STPG2: variants seen among roughly 807,000 people sequenced by gnomAD.
The protein encoded by STPG2 is sperm-tail PG-rich repeat-containing protein 2.
Under a neutral mutation model 54.2 loss-of-function variants are expected in STPG2, and 56 were observed. That is an observed-to-expected ratio of 1.03 (90% CI 0.83 to 1.29). The LOEUF (loss-of-function observed/expected upper bound fraction) is 1.29. Among genes scored for constraint, STPG2 ranks in the 50% most tolerant of loss-of-function variants. The pLI, the probability that STPG2 is intolerant of heterozygous loss-of-function variation, is 0.00. For missense variants in STPG2, 596 were observed against 544.9 expected (o/e 1.09, Z -0.93); for synonymous variants, 200 against 181.8 (o/e 1.10, Z -0.81).
At position 97,470,342 on chromosome 4, in the gene STPG2, A is replaced by G. The variant is rs183924775; in HGVS notation, c.462+242357T>C. ...ACATTTTCAAAGATTTTCACTAAAC[A>G]TTTTCTGTGTTTTATAGTGTGGGGG... On this transcript the variant is annotated intron_variant, in intron 4 of 4. Transcript: ENST00000522676. 1.3e-3 allele frequency among the ~76,000 whole-genome samples: 193 copies of G among 152,154 alleles called. 1 individual carries two copies. Among genetic ancestry groups the G allele is most frequent in the Non-Finnish European group, 1.6e-3 (107 of 67,974 alleles).
intron 6 of STPG2, among the ~76,000 whole-genome samples, chr4:97,975,949 G>A (rs559242976): frequency 6.6e-6 from 1 of 152,266 alleles, no homozygotes; most frequent in African/African-American, 2.4e-5. Context: ...TCTCATCATA[G>A]GCAAGAAACA....
chr4:97,577,347 C>T (rs1732748520), intron 10 of STPG2, among the ~76,000 whole-genome samples: 1 of 152,146 alleles, frequency 6.6e-6, no homozygotes, highest in African/African-American at 2.4e-5. Flanking sequence ...ACCTAGGTAT[C>T]CATACGTGGA....
intron 10 of STPG2, among the ~76,000 whole-genome samples, chr4:97,688,884 C>T (rs1304722322): frequency 6.6e-6 from 1 of 152,104 alleles, no homozygotes; most frequent in Non-Finnish European, 1.5e-5. Context: ...TAAGGTCTTT[C>T]CTTCACTCTG....
intron 5 of STPG2, among the ~76,000 whole-genome samples, chr4:97,991,455 GTGTGTATA>G (rs780270509): frequency 2.1e-5 from 3 of 142,728 alleles, no homozygotes; most frequent in Admixed American, 7.0e-5. Context: ...GTGTGTGTGT[GTGTGTATA>G]TATATATATG....
At chr4:98,052,785 C>CCAATGAG (rs1737363822) in intron 5 of STPG2, among the ~76,000 whole-genome samples, 3 of 151,834 alleles carry the variant, frequency 2.0e-5, no homozygotes, top group African/African-American at 7.3e-5. Context: ...GAACCAATGA[C>CCAATGAG]CCATTCTGGA....
At chr4:97,965,373 A>G (rs1326835767) in intron 7 of STPG2, among the ~76,000 whole-genome samples, 1 of 152,208 alleles carries the variant, frequency 6.6e-6, no homozygotes, top group Admixed American at 6.5e-5. Flanking sequence ...GCAGCTCAGC[A>G]AGGCCTACTG....
At chr4:97,489,812 T>G (rs193176752) in intron 4 of STPG2, 1 of 151,234 alleles carries the variant, frequency 6.6e-6, no homozygotes, top group Non-Finnish European at 1.5e-5. Context: ...TACCCCGAAA[T>G]GTAAGTGTTT....
chr4:97,547,025 A>AT (rs1044688367), intron 4 of STPG2, among the ~76,000 whole-genome samples: 2 of 152,106 alleles, frequency 1.3e-5, no homozygotes, highest in Non-Finnish European at 2.9e-5. Context: ...TAAAAAAAAT[A>AT]TTTTTCAAGT....
At chr4:97,615,805 G>T (rs1733846852) in intron 10 of STPG2, among the ~76,000 whole-genome samples, 1 of 151,222 alleles carries the variant, frequency 6.6e-6, no homozygotes, top group South Asian at 2.1e-4. Context: ...GGGAGGCCGA[G>T]ACAGGTGATC....
At chr4:98,106,234 G>T (rs1739185018) in intron 4 of STPG2, among the ~76,000 whole-genome samples, 170 bp from the exon 5 acceptor site, 1 of 151,948 alleles carries the variant, frequency 6.6e-6, no homozygotes, top group Non-Finnish European at 1.5e-5. Context: ...AAATGTATTA[G>T]TTTTCTTGGT....
chr4:98,026,334 AG>A (rs1307087844), intron 5 of STPG2: 41 of 543,066 alleles, frequency 7.5e-5, no homozygotes, highest in Non-Finnish European at 6.6e-5. Flanking sequence ...AAAAAAATGG[AG>A]TGTACCGTGT....
intron 10 of STPG2, among the ~76,000 whole-genome samples, chr4:97,598,047 A>C (rs1291477536): frequency 6.6e-6 from 1 of 152,128 alleles, no homozygotes; most frequent in Non-Finnish European, 1.5e-5. Flanking sequence ...GAATTTCAAG[A>C]TACAAAAATA....
At chr4:97,775,427 C>A (rs1190831888) in intron 9 of STPG2, among the ~76,000 whole-genome samples, 4 of 151,668 alleles carry the variant, frequency 2.6e-5, no homozygotes, top group Non-Finnish European at 5.9e-5. Context: ...TTAAAAAATG[C>A]AAAAATAAAT....
At chr4:97,792,001 G>T (rs1472079572) in intron 9 of STPG2, among the ~76,000 whole-genome samples, 1 of 152,016 alleles carries the variant, frequency 6.6e-6, no homozygotes, top group Non-Finnish European at 1.5e-5. Flanking sequence ...AAGAGATCTT[G>T]AAAACAGGTA....
chr4:97,737,546 G>A (rs1051297801), intron 9 of STPG2, among the ~76,000 whole-genome samples: 8 of 152,272 alleles, frequency 5.3e-5, no homozygotes, highest in South Asian at 2.1e-4. Context: ...GCCAAGGCTC[G>A]AGAACTACGT....
chr4:97,969,143 A>G (rs1002834234), intron 7 of STPG2, among the ~76,000 whole-genome samples: 77 of 152,160 alleles, frequency 5.1e-4, no homozygotes, highest in African/African-American at 1.8e-3. Flanking sequence ...TGGTCTAACC[A>G]GTTGTCTAGT....
chr4:97,863,739 G>C (rs1578635250), intron 8 of STPG2, among the ~76,000 whole-genome samples: 1 of 152,196 alleles, frequency 6.6e-6, no homozygotes, highest in Middle Eastern at 3.4e-3. Flanking sequence ...ACATCAAAAA[G>C]CTTATCCACC....
intron 8 of STPG2, among the ~76,000 whole-genome samples, chr4:97,879,527 A>T (rs972976358): frequency 6.6e-6 from 1 of 152,306 alleles, no homozygotes; most frequent in Middle Eastern, 3.4e-3. Flanking sequence ...TTATAAAGCC[A>T]TCAGATCTCA....
At chr4:97,882,400 C>T (rs936602905) in intron 8 of STPG2, among the ~76,000 whole-genome samples, 1 of 152,126 alleles carries the variant, frequency 6.6e-6, no homozygotes, top group Non-Finnish European at 1.5e-5. Context: ...AGGCAGTAAA[C>T]CATGTTGCCT....
Sources: gnomAD v4.1 joint callset for allele counts (sites outside exome capture counted in the v4.1 genomes callset) on GRCh38, gnomAD v4.1.1 for gene constraint, MANE v1.5 for transcripts, NCBI Gene and HGNC (gene_info 2026-07-23, HGNC 2026-07-21) for gene names.